Variants in CHRNA5 observed in about 807,000 individuals in gnomAD.
CHRNA5 encodes the protein cholinergic receptor nicotinic alpha 5 subunit.
CHRNA5 carries 28 observed loss-of-function variants against 41.2 expected under a neutral mutation model. The ratio of observed to expected loss-of-function variants is 0.68; its 90% CI spans 0.50 to 0.93. CHRNA5 has a LOEUF of 0.93. Ranked by LOEUF, CHRNA5 falls within the 40% of genes least tolerant of loss-of-function variation. The pLI, the probability that CHRNA5 is intolerant of heterozygous loss-of-function variation, is 0.00. For missense variants in CHRNA5, 481 were observed against 581.9 expected (o/e 0.83, Z 1.78); for synonymous variants, 188 against 205.8 (o/e 0.91, Z 0.74).
intron 1 of CHRNA5, 38 bp downstream of exon 1, chr15:78,565,863 C>T: frequency 8.6e-7 from 1 of 1,160,572 alleles, no homozygotes. Context: ...CGGGAGCTGG[C>T]CCGGACTCCA....
intron 1 of CHRNA5, among the ~76,000 whole-genome samples, chr15:78,571,886 T>A (rs1015654348): frequency 7.2e-5 from 11 of 152,308 alleles, no homozygotes; most frequent in African/African-American, 2.6e-4. Flanking sequence ...AAATGTTGGA[T>A]ATAATACACA....
intron 1 of CHRNA5, among the ~76,000 whole-genome samples, chr15:78,566,909 G>C (rs2052753011): frequency 6.6e-6 from 1 of 152,158 alleles, no homozygotes; most frequent in Non-Finnish European, 1.5e-5. Flanking sequence ...TCAAATTATG[G>C]CTCTGGTGCA....
At chr15:78,591,926 TA>T (rs1317094104) in intron 5 of CHRNA5, among the ~76,000 whole-genome samples, 1 of 152,190 alleles carries the variant, frequency 6.6e-6, no homozygotes, top group Non-Finnish European at 1.5e-5. Flanking sequence ...GGTAATGGTT[TA>T]GACTGAGATG....
chr15:78,574,368 T>TAA (rs1213208211), intron 1 of CHRNA5, among the ~76,000 whole-genome samples: 2 of 121,324 alleles, frequency 1.6e-5, no homozygotes. Context: ...CAACAGGAGC[T>TAA]AAACGCTGTC....
intron 2 of CHRNA5, among the ~76,000 whole-genome samples, chr15:78,583,132 C>G (rs1204655817): frequency 6.6e-6 from 1 of 152,010 alleles, no homozygotes; most frequent in Non-Finnish European, 1.5e-5. Flanking sequence ...TTCCTTGTAT[C>G]TGTCCCAGAA....
chr15:78,583,530 A>G lies in CHRNA5; in HGVS notation c.258+2568A>G, dbSNP rs565440769. On this transcript the variant is annotated intron_variant, in intron 2 of 5. Transcript: ENST00000299565. Reference sequence around the variant, plus strand: ...AACACGGTGAAACCCCGTCTCTACTAAAAAATACAAAAAAATTAGCTGGGC... The same window carrying G: ...AACACGGTGAAACCCCGTCTCTACTGAAAAATACAAAAAAATTAGCTGGGC... Among the ~76,000 whole-genome samples the G allele has an allele frequency of 2.6e-5, 4 of 151,984 alleles. No homozygotes were observed. In the East Asian group the frequency reaches 7.8e-4, roughly 29 times the overall value.
At position 78,572,400 on chromosome 15, in the gene CHRNA5, T is replaced by A. The variant is rs548926379; in HGVS notation, c.106+6575T>A. On this transcript the variant is annotated intron_variant, in intron 1 of 5. Transcript: ENST00000299565. ...TAAATAAAGTCTAATGCACTCATAA[T>A]GATCACTTTGCAGCTTGTGAAGGAA... Among the ~76,000 whole-genome samples the A allele has an allele frequency of 2.7e-3, 409 of 152,336 alleles. 1 individual carries two copies. The highest frequency in any genetic ancestry group is 4.3e-3 in the Non-Finnish European group (292 of 68,024).
intron 3 of CHRNA5, 60 bp downstream of exon 3, chr15:78,586,749 TATGTA>T: frequency 8.8e-7 from 1 of 1,135,530 alleles, no homozygotes; most frequent in Non-Finnish European, 1.3e-6. Context: ...ATTTTTATTA[TATGTA>T]TTGTAGCAGA....
At chr15:78,568,604 G>C (rs1463429476) in intron 1 of CHRNA5, among the ~76,000 whole-genome samples, 1 of 152,016 alleles carries the variant, frequency 6.6e-6, no homozygotes, top group Non-Finnish European at 1.5e-5. Context: ...ACATGCATTA[G>C]GTATTTGTCC....
chr15:78,590,669 C>G, intron 5 of CHRNA5, 33 bp downstream of exon 5: 4 of 1,539,454 alleles, frequency 2.6e-6, no homozygotes, highest in Non-Finnish European at 3.5e-6. Flanking sequence ...TGCAGATCTT[C>G]TTCCATTTTA....
At chr15:78,566,951 T>C (rs958954568) in intron 1 of CHRNA5, among the ~76,000 whole-genome samples, 21 of 152,268 alleles carry the variant, frequency 1.4e-4, no homozygotes, top group Admixed American at 1.1e-3. Flanking sequence ...TCAGCTGTTT[T>C]CCTTCTTTAA....
At chr15:78,582,449 C>T (rs1445678729) in intron 2 of CHRNA5, among the ~76,000 whole-genome samples, 2 of 150,460 alleles carry the variant, frequency 1.3e-5, no homozygotes, top group Non-Finnish European at 2.9e-5. Flanking sequence ...TGCACCACTG[C>T]ACTCCAGCCT....
intron 1 of CHRNA5, among the ~76,000 whole-genome samples, chr15:78,567,080 G>A (rs545482855): frequency 9.2e-4 from 140 of 151,816 alleles, no homozygotes; most frequent in Admixed American, 1.7e-3. Context: ...GTGAAACCCC[G>A]TCTCTACTAA....
chr15:78,592,166 A>G (rs574914632), intron 5 of CHRNA5, among the ~76,000 whole-genome samples: 12 of 152,234 alleles, frequency 7.9e-5, no homozygotes, highest in South Asian at 2.1e-4. Flanking sequence ...TCCTAAAAAT[A>G]GAAAAATTAG....
chr15:78,578,085 G>A (rs1451342070), intron 1 of CHRNA5, among the ~76,000 whole-genome samples: 2 of 152,142 alleles, frequency 1.3e-5, no homozygotes, highest in Non-Finnish European at 2.9e-5. Flanking sequence ...TAAACATTAA[G>A]AATGACTCTA....
chr15:78,589,484 C>G (rs2052990181), intron 4 of CHRNA5: 1 of 214,978 alleles, frequency 4.7e-6, no homozygotes, highest in African/African-American at 2.3e-5. Context: ...GTATGCGTGC[C>G]CATTGTGTCA....
At chr15:78,572,915 AGAG>A (rs749614251) in intron 1 of CHRNA5, among the ~76,000 whole-genome samples, 6 of 152,254 alleles carry the variant, frequency 3.9e-5, no homozygotes, top group African/African-American at 7.2e-5. Flanking sequence ...AAGGCGAAGG[AGAG>A]GAGGAGGGAG....
chr15:78,589,610 T>C (rs56186290), intron 4 of CHRNA5, 195 bp from the exon 5 acceptor site: 21 of 524,216 alleles, frequency 4.0e-5, no homozygotes, highest in Non-Finnish European at 7.0e-5. Flanking sequence ...TCAGTTCTAG[T>C]AGAGTTAGAT....
intron 2 of CHRNA5, among the ~76,000 whole-genome samples, chr15:78,583,028 A>C (rs1240632482): frequency 2.0e-5 from 3 of 151,530 alleles, no homozygotes; most frequent in African/African-American, 4.8e-5. Flanking sequence ...CTGTGTTCAA[A>C]ATTTTTTTTT....
Sources: gnomAD v4.1 joint callset for allele counts (sites outside exome capture counted in the v4.1 genomes callset) on GRCh38, gnomAD v4.1.1 for gene constraint, MANE v1.5 for transcripts, NCBI Gene and HGNC (gene_info 2026-07-23, HGNC 2026-07-21) for gene names.